CDHR3: variants seen among roughly 807,000 people sequenced by gnomAD.
CDHR3 encodes cadherin-related family member 3.
Under a neutral mutation model 86.6 loss-of-function variants are expected in CDHR3, and 79 were observed. That is an observed-to-expected ratio of 0.91 (90% CI 0.76 to 1.10). The LOEUF (loss-of-function observed/expected upper bound fraction) is 1.10. Ranked by LOEUF, CDHR3 falls within the 50% of genes least tolerant of loss-of-function variation. The probability of loss-of-function intolerance (pLI) is 0.00; values close to 1 mark genes in which losing one functional copy is unlikely to be tolerated. For missense variants in CDHR3, 1,081 were observed against 1,077.6 expected (o/e 1.00, Z -0.04); for synonymous variants, 421 against 402.4 (o/e 1.05, Z -0.55).
intron 6 of CDHR3, among the ~76,000 whole-genome samples, chr7:105,996,622 CG>C (rs1563262035): frequency 6.6e-6 from 1 of 152,022 alleles, no homozygotes; most frequent in East Asian, 1.9e-4. Flanking sequence ...ACACATGCCC[CG>C]GGGTGTGGCC....
At chr7:105,977,236 G>C (rs867337929) in intron 2 of CDHR3, among the ~76,000 whole-genome samples, 1 of 152,198 alleles carries the variant, frequency 6.6e-6, no homozygotes, top group African/African-American at 2.4e-5. Context: ...AGCCGTAAAA[G>C]GTGAAATAAG....
rs1827485050 is a variant in CDHR3, at chr7:105,969,144, C to G, written c.47-5700C>G. 2.0e-5 allele frequency among the ~76,000 whole-genome samples: 3 copies of G among 150,124 alleles called. No individual in the cohort carries two copies. The South Asian group carries it at 6.4e-4, about 32-fold the overall frequency. On this transcript the variant is annotated intron_variant, in intron 1 of 18. Coordinates refer to ENST00000317716, the MANE Select transcript of CDHR3 (RefSeq NM_152750.5). The stretch of plus-strand genomic sequence containing the variant: ...GGGCGTGGTGGCTCACGCCTGTAAT[C>G]CCAGCACTTTGGGAGGCCGAGGCGG...
rs752702937 is a variant in CDHR3, at chr7:106,015,111, C to G, written c.1225C>G (p.Leu409Val). 4 of 1,598,592 alleles carry G rather than the reference C, an allele frequency of 2.5e-6. No individual in the cohort carries two copies. The highest frequency in any genetic ancestry group is 3.4e-6 in the Non-Finnish European group (4 of 1,170,952). ...QDPAGSGKIV[L>V]IGDLDYENPS... is the part of the protein sequence containing the mutation. The stretch of plus-strand genomic sequence containing the variant: ...ATCTACTATCTCTGTTTTAATCTAG[C>G]TGATTGGTGATCTAGACTACGAAAA... Residue 409 changes from leucine (L) to valine (V), a missense_variant and splice_region_variant, in exon 10 of 19, where the codon CTG becomes GTG. Leu to Val is a conservative substitution (Grantham distance 32, BLOSUM62 1). Transcript: ENST00000317716.
chr7:105,978,455 C>T (rs536698242), intron 2 of CDHR3, among the ~76,000 whole-genome samples: 1 of 152,268 alleles, frequency 6.6e-6, no homozygotes, highest in African/African-American at 2.4e-5. Context: ...CCAGAACAAC[C>T]TCAAATTTAA....
At chr7:106,004,924 G>C in intron 8 of CDHR3, 2 of 542,308 alleles carry the variant, frequency 3.7e-6, no homozygotes, top group Non-Finnish European at 6.4e-6. Context: ...TTACTCTTAA[G>C]AATTATTTTT....
chr7:105,975,101 TGAGGGTG>T, intron 2 of CDHR3, 55 bp downstream of exon 2: 1 of 1,367,206 alleles, frequency 7.3e-7, no homozygotes, highest in Non-Finnish European at 1.0e-6. Flanking sequence ...ATCCTGAAAA[TGAGGGTG>T]GATGGGATGC....
chr7:105,984,017 G>A (rs930879138), intron 3 of CDHR3, among the ~76,000 whole-genome samples, 175 bp from the exon 4 acceptor site: 12 of 152,156 alleles, frequency 7.9e-5, no homozygotes, highest in African/African-American at 2.2e-4. Flanking sequence ...ACCCTAAATG[G>A]ATCCATGCAG....
intron 8 of CDHR3, 37 bp downstream of exon 8, chr7:106,004,724 C>G: frequency 2.5e-6 from 4 of 1,602,944 alleles, no homozygotes; most frequent in African/African-American, 1.3e-5. Context: ...GACATTCTAT[C>G]TCTTTGGTGG....
rs56076993 is a variant in CDHR3 at position 106,035,082 on chromosome 7, G to GAA, written c.*2400_*2401dup. ...TGACAAGGGCAAAACTCTGTGTCAA[G>GAA]AAAAAAAAAAAAAAAAGAATAATTA... On this transcript the variant is annotated 3_prime_UTR_variant, in exon 19 of 19. Transcript: ENST00000317716. 2.9e-5 allele frequency among the ~76,000 whole-genome samples: 4 copies of GAA among 136,780 alleles called. No homozygotes were observed. Among genetic ancestry groups the GAA allele is most frequent in the African/African-American group, 1.1e-4 (4 of 36,236 alleles). 89.7% of individuals were successfully genotyped at this position (136,780 alleles called of 152,430 possible). A position where few individuals can be genotyped will look rare whatever the true frequency, so the allele number is the denominator to read the frequency against.
In CDHR3 at chr7:105,998,463, G is replaced by C. The variant is rs1398659641; in HGVS notation, c.713+2109G>C. Reference sequence around the variant, plus strand: ...TAGATTCAGGATGCATGCTCCAGGAGTCTGCCATTATTGAAGTTGAACATT... The same window carrying C: ...TAGATTCAGGATGCATGCTCCAGGACTCTGCCATTATTGAAGTTGAACATT... On this transcript the variant is annotated intron_variant, in intron 6 of 18. Coordinates refer to ENST00000317716, the MANE Select transcript of CDHR3 (RefSeq NM_152750.5). Among the ~76,000 whole-genome samples, 3 of 152,200 alleles carry C rather than the reference G, an allele frequency of 2.0e-5. No homozygotes were observed. In the East Asian group the frequency reaches 5.8e-4, roughly 29 times the overall value.
At chr7:105,987,842 A>G (rs1028344157) in intron 4 of CDHR3, among the ~76,000 whole-genome samples, 1 of 152,174 alleles carries the variant, frequency 6.6e-6, no homozygotes, top group Non-Finnish European at 1.5e-5. Context: ...AATTTTGCAT[A>G]TTTGGCAAAT....
intron 5 of CDHR3, among the ~76,000 whole-genome samples, chr7:105,995,700 G>T (rs2526977): frequency 0.73 from 110,854 of 152,034 alleles, 41,231 homozygotes; most frequent in Non-Finnish European, 0.81. Flanking sequence ...TTTTGAAATG[G>T]AAGATGGCAT....
At chr7:105,967,686 T>G (rs994698742) in intron 1 of CDHR3, among the ~76,000 whole-genome samples, 6 of 152,238 alleles carry the variant, frequency 3.9e-5, no homozygotes, top group African/African-American at 1.2e-4. Context: ...GGTTTTGATT[T>G]GCATTTCTCT....
chr7:105,984,902 TA>T (rs1269924186), intron 4 of CDHR3, among the ~76,000 whole-genome samples: 3 of 151,686 alleles, frequency 2.0e-5, no homozygotes, highest in Non-Finnish European at 4.4e-5. Flanking sequence ...CTACAAAAAA[TA>T]AAAAAATTAG....
intron 4 of CDHR3, among the ~76,000 whole-genome samples, chr7:105,986,280 A>T (rs1450145571): frequency 6.6e-6 from 1 of 152,216 alleles, no homozygotes; most frequent in Non-Finnish European, 1.5e-5. Flanking sequence ...CAGAAACCCA[A>T]AGTATAGCAC....
At position 106,032,437 on chromosome 7, in the gene CDHR3, A is replaced by G; in HGVS notation, c.2398A>G (p.Lys800Glu). 4 of 1,612,678 alleles carry G rather than the reference A, an allele frequency of 2.5e-6. No individual in the cohort carries two copies. Among genetic ancestry groups the G allele is most frequent in the Non-Finnish European group, 3.4e-6 (4 of 1,178,888 alleles). Residue 800 changes from lysine to glutamate, a missense_variant, in exon 19 of 19, where the codon AAG becomes GAG. Physicochemically the swap from Lys to Glu is moderately conservative, Grantham distance 56. Transcript: ENST00000317716. The stretch of plus-strand genomic sequence containing the variant: ...ATTCAACTCAAAAACTGGAGCCAGA[A>G]AGTGGAAAGATCCACTAACCCAAAT... Reference protein sequence around the residue: ...YEFNSKTGARKWKDPLTQMPK... With the variant: ...YEFNSKTGAREWKDPLTQMPK...
At chr7:106,027,396 CA>C (rs11347271) in intron 16 of CDHR3, among the ~76,000 whole-genome samples, 97,920 of 140,794 alleles carry the variant, frequency 0.7, 33,679 homozygotes, top group East Asian at 0.96. Context: ...GACTCTGTCT[CA>C]AAAAAAAAAA....
intron 1 of CDHR3, among the ~76,000 whole-genome samples, chr7:105,970,958 G>C (rs1383903627): frequency 1.3e-5 from 2 of 152,058 alleles, no homozygotes; most frequent in Admixed American, 6.5e-5. Context: ...TGGCTAACAC[G>C]GTGAAACTCC....
At chr7:106,020,281 T>A in intron 12 of CDHR3, 92 bp from the exon 13 acceptor site, 2 of 1,090,466 alleles carry the variant, frequency 1.8e-6, no homozygotes, top group Admixed American at 2.9e-5. Context: ...TGAGCTAATT[T>A]ATGAAAAGTG....
Sources: gnomAD v4.1 joint callset for allele counts (sites outside exome capture counted in the v4.1 genomes callset) on GRCh38, gnomAD v4.1.1 for gene constraint, MANE v1.5 for transcripts, NCBI Gene and HGNC (gene_info 2026-07-23, HGNC 2026-07-21) for gene names.